The following OPCML variants were observed in gnomAD, a reference collection of about 807,000 sequenced individuals.
OPCML encodes the protein opioid binding protein/cell adhesion molecule like, also known as opioid-binding protein/cell adhesion molecule.
A neutral mutation model predicts 37.8 loss-of-function variants in OPCML; 13 were observed. The ratio of observed to expected loss-of-function variants is 0.34; its 90% CI spans 0.22 to 0.55. The LOEUF (loss-of-function observed/expected upper bound fraction) is 0.55. Ranked by LOEUF, OPCML falls within the 20% of genes least tolerant of loss-of-function variation. The pLI is 0.91. For missense variants in OPCML, 341 were observed against 435.6 expected, an observed-to-expected ratio of 0.78 and a Z score of 1.93; for synonymous variants, 176 against 168.8, an observed-to-expected ratio of 1.04 and a Z score of -0.33.
intron 2 of OPCML, among the ~76,000 whole-genome samples, chr11:132,746,459 C>T (rs1476070556): frequency 2.0e-5 from 3 of 152,146 alleles, no homozygotes; most frequent in Non-Finnish European, 1.5e-5. Context: ...ACTCCTCCCC[C>T]CACCTCTGTG....
intron 2 of OPCML, among the ~76,000 whole-genome samples, chr11:132,715,054 A>AG (rs1045431715): frequency 3.9e-5 from 6 of 152,002 alleles, no homozygotes; most frequent in African/African-American, 1.2e-4. Context: ...TGGGCAAGGG[A>AG]GGGCAGGCAG....
intron 2 of OPCML, among the ~76,000 whole-genome samples, chr11:132,856,993 T>G (rs1423159559): frequency 6.6e-6 from 1 of 152,224 alleles, no homozygotes; most frequent in Non-Finnish European, 1.5e-5. Flanking sequence ...CACTCTGCCT[T>G]ATGCCCCTTG....
chr11:132,905,489 TC>T (rs1944209293), intron 2 of OPCML, among the ~76,000 whole-genome samples: 2 of 152,046 alleles, frequency 1.3e-5, no homozygotes, highest in South Asian at 4.1e-4. Flanking sequence ...TGCCTCGGCC[TC>T]CCAAAGTGCT....
intron 1 of OPCML, among the ~76,000 whole-genome samples, chr11:133,352,251 C>T (rs78852321): frequency 0.024 from 3,645 of 152,270 alleles, 75 homozygotes; most frequent in African/African-American, 0.064. Flanking sequence ...TTAGGTACCC[C>T]GTTTCCTGAA....
intron 1 of OPCML, among the ~76,000 whole-genome samples, chr11:133,080,487 T>G (rs992803212): frequency 6.6e-5 from 10 of 151,812 alleles, no homozygotes; most frequent in African/African-American, 2.4e-4. Flanking sequence ...TTTTTTTTTT[T>G]TTTTTTTCCT....
intron 4 of OPCML, among the ~76,000 whole-genome samples, chr11:132,468,590 A>AT (rs2096126483): frequency 6.6e-6 from 1 of 152,226 alleles, no homozygotes. Context: ...TTTTAAAAAA[A>AT]TTGATTCTTT....
At chr11:133,342,821 G>A (rs1279893178) in intron 1 of OPCML, among the ~76,000 whole-genome samples, 1 of 152,108 alleles carries the variant, frequency 6.6e-6, no homozygotes, top group Non-Finnish European at 1.5e-5. Context: ...ATTTGGTCTG[G>A]AGCAGACTCT....
At position 133,301,809 on chromosome 11, in the gene OPCML, T is replaced by C. The variant is rs560463627; in HGVS notation, c.61+230455A>G. On this transcript the variant is annotated intron_variant, in intron 1 of 7. Coordinates refer to ENST00000524381, the MANE Select transcript of OPCML (RefSeq NM_001012393.5). ...ATTTGGACACTGAACATATACAAGA[T>C]AGTATGAAGAGGCATTAAAAAAAGT... 2.0e-5 allele frequency: 3 copies of C among 152,214 alleles called. No individual in the cohort carries two copies. The South Asian group carries it at 6.2e-4, about 32-fold the overall frequency. The allele number at this position is 152,214 out of a possible 1,614,324, so 9.4% of individuals were successfully genotyped here.
In OPCML at chr11:133,174,306, G is replaced by A. The variant is rs1950334347; in HGVS notation, c.62-231296C>T. 6.6e-6 allele frequency among the ~76,000 whole-genome samples: 1 copy of A among 152,164 alleles called. No homozygotes were observed. On this transcript the variant is annotated intron_variant, in intron 1 of 7. Transcript: ENST00000524381. This position sits in a 1 kb window ranked among gnomAD's most constrained non-coding sequence, Gnocchi z 4.6. The stretch of plus-strand genomic sequence containing the variant: ...CGTAGAGACCTGGAGAGAGAGGACA[G>A]GGGCCTCGCATGAACCTAGGTTCCA...
chr11:133,004,067 G>A, intron 1 of OPCML: 2 of 985,386 alleles, frequency 2.0e-6, no homozygotes, highest in Non-Finnish European at 2.4e-6. Flanking sequence ...AAGCGAAGAG[G>A]CAAAGAGCAG....
rs149045849 is a variant in OPCML, at chr11:132,826,686, A to T, written c.146+116240T>A. ...AAAGATAATTCTCTTAATTTACCCT[A>T]TACTGCATTATGACCACAAGATTTC... On this transcript the variant is annotated intron_variant, in intron 2 of 7. Coordinates refer to ENST00000524381, the MANE Select transcript of OPCML (RefSeq NM_001012393.5). Among the ~76,000 whole-genome samples, 25 of 152,306 alleles carry T rather than the reference A, an allele frequency of 1.6e-4. No individual in the cohort carries two copies. The East Asian group carries it at 4.6e-3, about 28-fold the overall frequency.
At chr11:132,873,819 TAAA>T (rs5795807) in intron 2 of OPCML, among the ~76,000 whole-genome samples, 1 of 149,016 alleles carries the variant, frequency 6.7e-6, no homozygotes, top group Non-Finnish European at 1.5e-5. Flanking sequence ...CTAAATCAAA[TAAA>T]AAAAATTAGA....
chr11:132,577,755 T>A (rs1004901879), intron 3 of OPCML, among the ~76,000 whole-genome samples: 5 of 152,218 alleles, frequency 3.3e-5, no homozygotes, highest in African/African-American at 1.2e-4. Context: ...ATAATACAAG[T>A]GATCTTATTA....
chr11:132,488,457 T>A lies in OPCML; in HGVS notation c.505+40604A>T, dbSNP rs1325155618. ...GCCTATTGCTCCTAGGGTACAAATC[T>A]GTACTGAATACTGTAAGCAATTGGA... On this transcript the variant is annotated intron_variant, in intron 4 of 7. Transcript: ENST00000524381. 2.6e-5 allele frequency among the ~76,000 whole-genome samples: 4 copies of A among 152,286 alleles called. No individual in the cohort carries two copies. The East Asian group carries it at 7.8e-4, about 30-fold the overall frequency.
At position 133,262,165 on chromosome 11, in the gene OPCML, C is replaced by A. The variant is rs1029019290; in HGVS notation, c.61+270099G>T. 3.9e-5 allele frequency among the ~76,000 whole-genome samples: 6 copies of A among 152,298 alleles called. No homozygotes were observed. In the East Asian group the frequency reaches 9.7e-4, roughly 25 times the overall value. On this transcript the variant is annotated intron_variant, in intron 1 of 7. Coordinates refer to ENST00000524381, the MANE Select transcript of OPCML (RefSeq NM_001012393.5). ...CATTGTGGCACAGCTAAATCAGGCT[C>A]ATGAACCTATATGCATTATCTCACA...
At chr11:133,357,955 C>T (rs1184184240) in intron 1 of OPCML, among the ~76,000 whole-genome samples, 1 of 152,142 alleles carries the variant, frequency 6.6e-6, no homozygotes, top group Non-Finnish European at 1.5e-5. Flanking sequence ...TCATCTGCAC[C>T]CATGACTTCC....
At chr11:133,420,192 T>A (rs1489363540) in intron 1 of OPCML, 2 of 902,220 alleles carry the variant, frequency 2.2e-6, no homozygotes, top group Non-Finnish European at 2.7e-6. Flanking sequence ...CACACACAAG[T>A]ACTTTTTTTT....
intron 1 of OPCML, among the ~76,000 whole-genome samples, chr11:133,275,047 CAATTA>C (rs1260283657): frequency 1.3e-5 from 2 of 152,086 alleles, no homozygotes; most frequent in Non-Finnish European, 2.9e-5. Context: ...CCACAATTAA[CAATTA>C]AATTGATTTA....
intron 1 of OPCML, among the ~76,000 whole-genome samples, chr11:133,186,962 A>G (rs1022459994): frequency 6.6e-6 from 1 of 152,064 alleles, no homozygotes; most frequent in Non-Finnish European, 1.5e-5. Context: ...GAGGTCAAAG[A>G]GGCATTCGTC....
Sources: gnomAD v4.1 joint callset for allele counts (sites outside exome capture counted in the v4.1 genomes callset) on GRCh38, gnomAD v4.1.1 for gene constraint, Gnocchi (gnomAD v3.1) non-coding constraint, MANE v1.5 for transcripts, NCBI Gene and HGNC (gene_info 2026-07-23, HGNC 2026-07-21) for gene names.